RNF38: variants seen among roughly 807,000 people sequenced by gnomAD.
RNF38 encodes ring finger protein 38.
RNF38 carries 15 observed loss-of-function variants against 67.2 expected under a neutral mutation model. The observed-to-expected ratio is 0.22, with a 90% CI of 0.15 to 0.34. RNF38 has a LOEUF of 0.34. Ranked by LOEUF, RNF38 falls within the 10% of genes least tolerant of loss-of-function variation. RNF38 has a pLI of 1.00. For synonymous variants in RNF38, 220 were observed against 218.8 expected (o/e 1.01, Z -0.05); for missense variants, 524 against 639.9 (o/e 0.82, Z 1.95).
At chr9:36,440,184 T>C (rs1839162582) in intron 1 of RNF38, among the ~76,000 whole-genome samples, 1 of 152,084 alleles carries the variant, frequency 6.6e-6, no homozygotes, top group Non-Finnish European at 1.5e-5. Context: ...AGGTAGAGGT[T>C]GCAGTGAGCT....
intron 1 of RNF38, among the ~76,000 whole-genome samples, chr9:36,465,698 TA>T (rs1267542866): frequency 6.6e-6 from 1 of 152,186 alleles, no homozygotes; most frequent in African/African-American, 2.4e-5. Flanking sequence ...ATATGTGCAT[TA>T]ACTGATGAAT....
At chr9:36,366,572 C>A (rs1012394811) in intron 4 of RNF38, among the ~76,000 whole-genome samples, 2 of 152,176 alleles carry the variant, frequency 1.3e-5, no homozygotes, top group Non-Finnish European at 2.9e-5. Context: ...GATTTTCTAT[C>A]AGTATAATCA....
rs866628481 is a variant in RNF38 at position 36,339,526 on chromosome 9, A to G, written c.*226T>C. On this transcript the variant is annotated 3_prime_UTR_variant, in exon 12 of 12. Coordinates refer to ENST00000259605, the MANE Select transcript of RNF38 (RefSeq NM_022781.5). ...TAGTGCACACACAAAATTAAGCTAA[A>G]GAAAAAGTCTTTGGAGTTCCAATCA... 1.7e-5 allele frequency: 8 copies of G among 484,506 alleles called. No individual in the cohort carries two copies. The highest frequency in any genetic ancestry group is 3.4e-5 in the Admixed American group (1 of 29,524). 30.0% of individuals were successfully genotyped at this position (484,506 alleles called of 1,614,324 possible). A position where few individuals can be genotyped will look rare whatever the true frequency, so the allele number is the denominator to read the frequency against.
chr9:36,398,069 A>G (rs980442239), intron 1 of RNF38, among the ~76,000 whole-genome samples: 9 of 152,232 alleles, frequency 5.9e-5, no homozygotes, highest in Non-Finnish European at 8.8e-5. Flanking sequence ...TTATAATTTT[A>G]TTAAATAACA....
chr9:36,394,505 A>G (rs1389911099), intron 1 of RNF38, among the ~76,000 whole-genome samples: 1 of 152,250 alleles, frequency 6.6e-6, no homozygotes, highest in Non-Finnish European at 1.5e-5. Flanking sequence ...TTTTGGCTAC[A>G]CTGATTTGAT....
intron 3 of RNF38, among the ~76,000 whole-genome samples, chr9:36,372,221 G>A (rs1253865659): frequency 3.9e-5 from 6 of 152,006 alleles, no homozygotes; most frequent in Non-Finnish European, 8.8e-5. Flanking sequence ...GAGCCACCGC[G>A]CCCAGCTGAA....
At chr9:36,407,285 C>G (rs1027606198) in intron 2 of RNF38, among the ~76,000 whole-genome samples, 3 of 152,136 alleles carry the variant, frequency 2.0e-5, no homozygotes, top group African/African-American at 7.2e-5. Context: ...ATTATATAGC[C>G]ACTTATCCAG....
chr9:36,385,837 G>A (rs556544867), intron 2 of RNF38, among the ~76,000 whole-genome samples: 6 of 152,232 alleles, frequency 3.9e-5, no homozygotes, highest in East Asian at 3.9e-4. Context: ...CACAACCAAC[G>A]CTTCAAAAAT....
At chr9:36,442,123 T>C (rs1839206410) in intron 1 of RNF38, among the ~76,000 whole-genome samples, 1 of 152,142 alleles carries the variant, frequency 6.6e-6, no homozygotes, top group Non-Finnish European at 1.5e-5. Context: ...ATCTTCCTAA[T>C]CTCATCACTA....
At chr9:36,436,071 C>T (rs192285024) in intron 1 of RNF38, among the ~76,000 whole-genome samples, 1 of 152,290 alleles carries the variant, frequency 6.6e-6, no homozygotes, top group East Asian at 1.9e-4. Flanking sequence ...GTTAAGCTTC[C>T]TATATGAGGC....
At chr9:36,347,528 T>C (rs1587468890) in intron 9 of RNF38, among the ~76,000 whole-genome samples, 1 of 152,314 alleles carries the variant, frequency 6.6e-6, no homozygotes, top group African/African-American at 2.4e-5. Flanking sequence ...TGATCTCTGA[T>C]CTTTGACGTT....
intron 2 of RNF38, among the ~76,000 whole-genome samples, chr9:36,378,643 T>C (rs9407037): frequency 0.032 from 4,857 of 152,264 alleles, 249 homozygotes; most frequent in African/African-American, 0.1. Flanking sequence ...ATGCTACAGA[T>C]ACTCACGATA....
intron 2 of RNF38, among the ~76,000 whole-genome samples, chr9:36,381,189 C>T (rs1836185908): frequency 6.6e-6 from 1 of 152,158 alleles, no homozygotes; most frequent in South Asian, 2.1e-4. Context: ...AAAAACTCAT[C>T]CAGAACTACG....
intron 2 of RNF38, among the ~76,000 whole-genome samples, chr9:36,419,419 T>C (rs1003926738): frequency 1.8e-4 from 28 of 152,160 alleles, no homozygotes; most frequent in African/African-American, 6.5e-4. Flanking sequence ...ACATAAGCAG[T>C]TTAGGAAGAA....
chr9:36,411,171 A>C (rs1024324880), intron 2 of RNF38, among the ~76,000 whole-genome samples: 1 of 152,030 alleles, frequency 6.6e-6, no homozygotes, highest in African/African-American at 2.4e-5. Context: ...AAAAAAAAAA[A>C]AAACCTGATT....
upstream of RNF38, among the ~76,000 whole-genome samples, chr9:36,402,758 T>C (rs1412231820): frequency 2.0e-5 from 3 of 152,230 alleles, no homozygotes; most frequent in East Asian, 5.8e-4. Flanking sequence ...AGCCAACCTT[T>C]TGTGAGGCAA....
chr9:36,387,773 A>G (rs1564030665), intron 2 of RNF38, among the ~76,000 whole-genome samples: 1 of 152,210 alleles, frequency 6.6e-6, no homozygotes, highest in Non-Finnish European at 1.5e-5. Flanking sequence ...TGAGTACACA[A>G]AGCCATCATT....
chr9:36,365,865 C>T (rs1350864133), intron 4 of RNF38, among the ~76,000 whole-genome samples: 1 of 151,818 alleles, frequency 6.6e-6, no homozygotes, highest in East Asian at 1.9e-4. Context: ...GGGGTTTCAC[C>T]ATATTGGCCA....
At chr9:36,369,513 G>A (rs1476077916) in intron 4 of RNF38, among the ~76,000 whole-genome samples, 1 of 152,078 alleles carries the variant, frequency 6.6e-6, no homozygotes, top group East Asian at 1.9e-4. Flanking sequence ...CACCGTGCTG[G>A]GCCGATACTA....
Sources: allele counts gnomAD v4.1 joint callset (sites outside exome capture counted in the v4.1 genomes callset), GRCh38; gene constraint gnomAD v4.1.1; transcripts MANE v1.5; gene names NCBI Gene and HGNC (gene_info 2026-07-23, HGNC 2026-07-21).